ADARB2: variants seen among roughly 807,000 people sequenced by gnomAD.
The protein encoded by ADARB2 is adenosine deaminase RNA specific B2 (inactive), also known as inactive double-stranded RNA-specific editase B2.
Under a neutral mutation model 62.2 loss-of-function variants are expected in ADARB2, and 25 were observed. That is an observed-to-expected ratio of 0.40 (90% CI 0.29 to 0.56). The LOEUF is 0.56. ADARB2 is among the 20% of genes least tolerant of loss of function. The pLI is 0.43. For missense variants in ADARB2, 1,071 were observed against 1,077.4 expected (o/e 0.99, Z 0.08); for synonymous variants, 572 against 500.8 (o/e 1.14, Z -1.90).
chr10:1,432,583 C>G (rs181191007), intron 1 of ADARB2, among the ~76,000 whole-genome samples: 1 of 150,072 alleles, frequency 6.7e-6, no homozygotes. Context: ...AGTCCCAAGT[C>G]GAAAAGTTCC....
At chr10:1,198,546 A>T (rs1316333271) in intron 8 of ADARB2, among the ~76,000 whole-genome samples, 8 of 152,276 alleles carry the variant, frequency 5.3e-5, no homozygotes, top group African/African-American at 7.2e-5. Flanking sequence ...TGCATCTGCA[A>T]AATAATGAAA....
chr10:1,461,617 C>T (rs1384381945), intron 1 of ADARB2, among the ~76,000 whole-genome samples: 4 of 152,072 alleles, frequency 2.6e-5, no homozygotes, highest in Non-Finnish European at 1.5e-5. Context: ...CTCTGGTAGA[C>T]CTTACATGAT....
chr10:1,597,372 T>C (rs1833349650), intron 1 of ADARB2, among the ~76,000 whole-genome samples: 1 of 152,162 alleles, frequency 6.6e-6, no homozygotes, highest in African/African-American at 2.4e-5. Context: ...AAACTTTGCA[T>C]CTGACATAGG....
At chr10:1,360,461 G>GT (rs1832242405) in intron 3 of ADARB2, among the ~76,000 whole-genome samples, 1 of 152,236 alleles carries the variant, frequency 6.6e-6, no homozygotes, top group Non-Finnish European at 1.5e-5. Flanking sequence ...GGTCCATGAA[G>GT]TAGAGACAGG....
intron 1 of ADARB2, among the ~76,000 whole-genome samples, chr10:1,705,974 T>C (rs1834885325): frequency 2.0e-5 from 3 of 152,262 alleles, no homozygotes; most frequent in South Asian, 4.1e-4. Context: ...TTTAAATTTA[T>C]GTTTACCATT....
rs376240810 is a variant in ADARB2 at position 1,494,799 on chromosome 10, A to G, written c.101-115639T>C. 3.3e-5 allele frequency among the ~76,000 whole-genome samples: 5 copies of G among 152,284 alleles called. No homozygotes were observed. In the East Asian group the frequency reaches 9.6e-4, roughly 29 times the overall value. ...GTCTTTGACCTCCCAAACGTTTACC[A>G]TGTGCTCCAAACCTCCCTCCACAAA... On this transcript the variant is annotated intron_variant, in intron 1 of 9. Transcript: ENST00000381312.
intron 3 of ADARB2, among the ~76,000 whole-genome samples, chr10:1,341,895 C>T (rs1005893713): frequency 1.3e-5 from 2 of 152,258 alleles, no homozygotes; most frequent in African/African-American, 2.4e-5. Context: ...AACAAAGTGC[C>T]CCGCAGTGGC....
At chr10:1,492,284 T>G (rs184004738) in intron 1 of ADARB2, among the ~76,000 whole-genome samples, 5 of 152,246 alleles carry the variant, frequency 3.3e-5, no homozygotes, top group African/African-American at 1.2e-4. Flanking sequence ...TACATGTTGG[T>G]GTCCTAACCC....
intron 8 of ADARB2, among the ~76,000 whole-genome samples, chr10:1,187,583 T>G (rs1020263923): frequency 6.6e-6 from 1 of 152,240 alleles, no homozygotes; most frequent in Admixed American, 6.5e-5. Context: ...CTCTCCTTTC[T>G]CTTTGCGGAG....
At chr10:1,692,086 C>T (rs192828742) in intron 1 of ADARB2, among the ~76,000 whole-genome samples, 1 of 152,332 alleles carries the variant, frequency 6.6e-6, no homozygotes, top group African/African-American at 2.4e-5. Flanking sequence ...CTGAACGGGT[C>T]TGAATCCCAT....
At chr10:1,424,062 A>G (rs562099776) in intron 1 of ADARB2, among the ~76,000 whole-genome samples, 6 of 152,342 alleles carry the variant, frequency 3.9e-5, no homozygotes, top group African/African-American at 1.4e-4. Flanking sequence ...CTATGTATGC[A>G]GTGGGACCAC....
rs542842491 is a variant in ADARB2 at position 1,363,190 on chromosome 10, G to A, written c.915C>T (p.Ser305=). ...CGTCCACGCTCACGGCCATCACGAA[G>A]CTCCGCGCGCGCCGCTCGGCCGGTT... ...LAEPAERRAR[S]FVMAVSVDGR... Residue 305 remains serine (S), a synonymous_variant, in exon 3 of 10, where the codon AGC becomes AGT. Coordinates refer to ENST00000381312, the MANE Select transcript of ADARB2 (RefSeq NM_018702.4). 2.0e-6 allele frequency: 3 copies of A among 1,511,764 alleles called. No homozygotes were observed. Among genetic ancestry groups the A allele is most frequent in the African/African-American group, 1.4e-5 (1 of 69,386 alleles). The allele number at this position is 1,511,764 out of a possible 1,614,324, so 93.6% of individuals were successfully genotyped here. A position where few individuals can be genotyped will look rare whatever the true frequency, so the allele number is the denominator to read the frequency against.
At chr10:1,566,063 CAAAAAAAAAA>C (rs376967105) in intron 1 of ADARB2, among the ~76,000 whole-genome samples, 8,339 of 128,044 alleles carry the variant, frequency 0.065, 892 homozygotes, top group African/African-American at 0.22. Flanking sequence ...CTCAGTCTAG[CAAAAAAAAAA>C]AAAAAAAAAA....
chr10:1,568,800 CTCTA>C (rs71379148), intron 1 of ADARB2, among the ~76,000 whole-genome samples: 8,929 of 148,522 alleles, frequency 0.06, 284 homozygotes, highest in African/African-American at 0.067. Context: ...ATGTCTCTAT[CTCTA>C]TCTATCTATC....
chr10:1,713,625 A>G (rs1359673070), intron 1 of ADARB2, among the ~76,000 whole-genome samples: 1 of 152,080 alleles, frequency 6.6e-6, no homozygotes, highest in African/African-American at 2.4e-5. Context: ...ATGGGAAGAG[A>G]GTGTAGTGAA....
intron 4 of ADARB2, among the ~76,000 whole-genome samples, chr10:1,262,518 A>G (rs1215031806): frequency 1.3e-5 from 2 of 151,874 alleles, no homozygotes; most frequent in Admixed American, 1.3e-4. Flanking sequence ...TATGCAGCCA[A>G]AAAACACACA....
At chr10:1,402,725 G>A (rs1341253679) in intron 1 of ADARB2, among the ~76,000 whole-genome samples, 1 of 152,112 alleles carries the variant, frequency 6.6e-6, no homozygotes, top group African/African-American at 2.4e-5. Context: ...GCAGCTTCCT[G>A]AGTGGATGAG....
chr10:1,386,410 A>C (rs1325393621), intron 1 of ADARB2, among the ~76,000 whole-genome samples: 1 of 152,006 alleles, frequency 6.6e-6, no homozygotes, highest in African/African-American at 2.4e-5. Flanking sequence ...TATATTTTTT[A>C]TTGCTACAAA....
At chr10:1,407,042 C>T (rs1832713157) in intron 1 of ADARB2, among the ~76,000 whole-genome samples, 1 of 152,242 alleles carries the variant, frequency 6.6e-6, no homozygotes, top group African/African-American at 2.4e-5. Flanking sequence ...CTGCATAAAG[C>T]AGGCATCCAT....
Sources: gnomAD v4.1 joint callset for allele counts (sites outside exome capture counted in the v4.1 genomes callset) on GRCh38, gnomAD v4.1.1 for gene constraint, MANE v1.5 for transcripts, NCBI Gene and HGNC (gene_info 2026-07-23, HGNC 2026-07-21) for gene names.